Variants in CNTNAP4 observed in about 807,000 individuals in gnomAD.
The protein encoded by CNTNAP4 is contactin associated protein family member 4.
CNTNAP4 carries 98 observed loss-of-function variants against 148.4 expected under a neutral mutation model. The observed-to-expected ratio is 0.66, with a 90% confidence interval of 0.56 to 0.78. The LOEUF (loss-of-function observed/expected upper bound fraction) is 0.78, where lower values mean the gene tolerates loss of function less well. Among genes scored for constraint, CNTNAP4 ranks in the 30% least tolerant of loss-of-function variants. The pLI, the probability that CNTNAP4 is intolerant of heterozygous loss-of-function variation, is 0.00. For synonymous variants in CNTNAP4, 730 were observed against 565.1 expected, an observed-to-expected ratio of 1.29 and a Z score of -4.14; for missense variants, 1,935 against 1,565.6, an observed-to-expected ratio of 1.24 and a Z score of -3.98.
chr16:76,476,353 T>A, intron 11 of CNTNAP4, among the ~76,000 whole-genome samples: 1 of 152,222 alleles, frequency 6.6e-6, no homozygotes, highest in East Asian at 1.9e-4. Flanking sequence ...CACTAAACTT[T>A]CTAGAAGGCG....
At chr16:76,477,763 A>G (rs1314358428) in intron 11 of CNTNAP4, among the ~76,000 whole-genome samples, 2 of 152,178 alleles carry the variant, frequency 1.3e-5, no homozygotes, top group South Asian at 2.1e-4. Flanking sequence ...TACATCCTCC[A>G]TTATCCCCAT....
intron 2 of CNTNAP4, among the ~76,000 whole-genome samples, chr16:76,347,641 A>C (rs1274609391): frequency 6.6e-6 from 1 of 152,120 alleles, no homozygotes; most frequent in Non-Finnish European, 1.5e-5. Flanking sequence ...ATATTCGAGC[A>C]AGAGACTTAT....
chr16:76,513,391 G>A (rs1291996565), intron 15 of CNTNAP4, among the ~76,000 whole-genome samples: 5 of 150,404 alleles, frequency 3.3e-5, no homozygotes, highest in African/African-American at 9.7e-5. Context: ...GATCGCAGAG[G>A]AGCATTGAGT....
At chr16:76,292,044 G>A (rs994275782) in intron 1 of CNTNAP4, among the ~76,000 whole-genome samples, 2 of 152,172 alleles carry the variant, frequency 1.3e-5, no homozygotes, top group Admixed American at 6.5e-5. Flanking sequence ...CTCATTGGTT[G>A]TCCATTGACT....
chr16:76,539,958 T>A lies in CNTNAP4; in HGVS notation c.3354+106T>A, dbSNP rs866660750. ...ACACAATAAGCAGAGACACTTTCAT[T>A]GGTCTTCTTCTGCAGATAATAGACC... On this transcript the variant is annotated intron_variant, in intron 20 of 23. Coordinates refer to ENST00000611870, the MANE Select transcript of CNTNAP4 (RefSeq NM_033401.5). 54 of 796,412 alleles carry A rather than the reference T, an allele frequency of 6.8e-5. 1 individual carries two copies. The Middle Eastern group carries it at 9.9e-4, about 15-fold the overall frequency. 49.3% of individuals were successfully genotyped at this position (796,412 alleles called of 1,614,324 possible). A position where few individuals can be genotyped will look rare whatever the true frequency, so the allele number is the denominator to read the frequency against.
At chr16:76,346,451 A>AAAT in intron 2 of CNTNAP4, among the ~76,000 whole-genome samples, 1 of 147,988 alleles carries the variant, frequency 6.8e-6, no homozygotes, top group African/African-American at 2.5e-5. Flanking sequence ...AAAAAAAAAA[A>AAAT]GAAGGTAGAG....
At chr16:76,531,875 G>A (rs747203877) in intron 17 of CNTNAP4, among the ~76,000 whole-genome samples, 1 of 152,084 alleles carries the variant, frequency 6.6e-6, no homozygotes, top group Non-Finnish European at 1.5e-5. Flanking sequence ...TATTTGGTTA[G>A]GTAAATAACG....
chr16:76,479,640 G>A, intron 12 of CNTNAP4, 102 bp downstream of exon 12: 1 of 1,162,230 alleles, frequency 8.6e-7, no homozygotes, highest in Non-Finnish European at 1.2e-6. Context: ...TTTGCAACTT[G>A]ATTAAAATAT....
At chr16:76,442,789 C>G (rs952390260) in intron 4 of CNTNAP4, among the ~76,000 whole-genome samples, 17 of 152,108 alleles carry the variant, frequency 1.1e-4, no homozygotes, top group African/African-American at 3.9e-4. Context: ...CACTGGGCCA[C>G]AACTCCCAGC....
At chr16:76,503,940 T>C (rs12447929) in intron 15 of CNTNAP4, among the ~76,000 whole-genome samples, 30,030 of 151,966 alleles carry the variant, frequency 0.2, 3,246 homozygotes, top group Admixed American at 0.32. Flanking sequence ...ATATAACAAA[T>C]TATTAAGAAA....
chr16:76,523,638 A>C lies in CNTNAP4; in HGVS notation c.2755+1381A>C, dbSNP rs142810234. Among the ~76,000 whole-genome samples the C allele has an allele frequency of 2.6e-3, 394 of 152,324 alleles. 3 individuals carry two copies. Among genetic ancestry groups the C allele is most frequent in the African/African-American group, 9.1e-3 (377 of 41,570 alleles). On this transcript the variant is annotated intron_variant, in intron 17 of 23. Coordinates refer to ENST00000611870, the MANE Select transcript of CNTNAP4 (RefSeq NM_033401.5). ...AAAGCAGAATAAATGATAAGTTATT[A>C]GAAATTGTACTTCAAGGCCAGGCAT... is the stretch of plus-strand genomic sequence containing the variant.
intron 17 of CNTNAP4, among the ~76,000 whole-genome samples, chr16:76,529,313 C>G (rs1315739369): frequency 6.6e-6 from 1 of 151,966 alleles, no homozygotes; most frequent in East Asian, 1.9e-4. Flanking sequence ...TTATTGTCTT[C>G]TAAAAAATGT....
rs948224526 is a variant in CNTNAP4, at chr16:76,292,095, A to C, written c.85+14348A>C. On this transcript the variant is annotated intron_variant, in intron 1 of 23. Transcript: ENST00000611870. ...CAGTCTATCAGCATCTGCTTGTAGT[A>C]GTATATGGCTCCCTTAAGATTCTTG... is the stretch of plus-strand genomic sequence containing the variant. 1.1e-4 allele frequency among the ~76,000 whole-genome samples: 17 copies of C among 152,200 alleles called. 1 individual carries two copies. The highest frequency in any genetic ancestry group is 4.1e-4 in the African/African-American group (17 of 41,448).
At position 76,548,295 on chromosome 16, in the gene CNTNAP4, C is replaced by CATTTTTTTTTTTTTTTTTTT. The variant is rs759580311; in HGVS notation, c.3443-4988_3443-4987insATTTTTTTTTTTTTTTTTTT. On this transcript the variant is annotated intron_variant, in intron 21 of 23. Transcript: ENST00000611870. ...CCCTGGCTCTCTTGATTCACTGCAC[C>CATTTTTTTTTTTTTTTTTTT]TTTTTTTTTTTTTTTTTTTTTTTTG... Among the ~76,000 whole-genome samples, 4 of 92,908 alleles carry CATTTTTTTTTTTTTTTTTTT rather than the reference C, an allele frequency of 4.3e-5. 1 individual carries two copies. Among genetic ancestry groups the CATTTTTTTTTTTTTTTTTTT allele is most frequent in the Non-Finnish European group, 6.2e-5 (3 of 48,282 alleles). The allele number at this position is 92,908 out of a possible 152,430, so 61.0% of individuals were successfully genotyped here.
At chr16:76,403,511 A>G (rs1198196155) in intron 3 of CNTNAP4, among the ~76,000 whole-genome samples, 2 of 152,224 alleles carry the variant, frequency 1.3e-5, no homozygotes, top group Non-Finnish European at 2.9e-5. Flanking sequence ...ATCTCACACA[A>G]GTCAGAATGG....
chr16:76,488,667 A>G (rs967430377), intron 12 of CNTNAP4, among the ~76,000 whole-genome samples: 11 of 152,332 alleles, frequency 7.2e-5, no homozygotes, highest in African/African-American at 2.4e-4. Context: ...AACAGCACAT[A>G]TGTAGTAGAG....
chr16:76,352,912 C>T (rs887361678), intron 2 of CNTNAP4, among the ~76,000 whole-genome samples: 4 of 152,108 alleles, frequency 2.6e-5, no homozygotes, highest in African/African-American at 9.7e-5. Context: ...AAGTACCCTT[C>T]ACGGACAGCA....
At chr16:76,452,818 A>ATTATCTCTG (rs1597590808) in intron 8 of CNTNAP4, 49 bp downstream of exon 8, 7 of 1,465,328 alleles carry the variant, frequency 4.8e-6, no homozygotes, top group Non-Finnish European at 6.3e-6. Flanking sequence ...GAAAGATTTC[A>ATTATCTCTG]TTATCTCTGT....
chr16:76,305,473 A>T (rs190358760), intron 1 of CNTNAP4, among the ~76,000 whole-genome samples: 41 of 152,076 alleles, frequency 2.7e-4, no homozygotes, highest in Non-Finnish European at 2.9e-5. Flanking sequence ...GTTGAGTGCT[A>T]CGTAATTTAT....
Sources: allele counts gnomAD v4.1 joint callset (sites outside exome capture counted in the v4.1 genomes callset), GRCh38; gene constraint gnomAD v4.1.1; transcripts MANE v1.5; gene names NCBI Gene and HGNC (gene_info 2026-07-23, HGNC 2026-07-21).